MYRF: variants seen among roughly 807,000 people sequenced by gnomAD.
MYRF encodes the protein myelin regulatory factor.
A neutral mutation model predicts 126.3 loss-of-function variants in MYRF; 16 were observed. That is an observed-to-expected ratio of 0.13 (90% CI 0.09 to 0.19). MYRF has a LOEUF of 0.19. Ranked by LOEUF, MYRF falls within the 10% of genes least tolerant of loss-of-function variation. The probability of loss-of-function intolerance (pLI) is 1.00; values close to 1 mark genes in which losing one functional copy is unlikely to be tolerated. For missense variants in MYRF, 1,104 were observed against 1,547.0 expected, an observed-to-expected ratio of 0.71 and a Z score of 4.80; for synonymous variants, 608 against 635.3, an observed-to-expected ratio of 0.96 and a Z score of 0.65.
At position 61,773,950 on chromosome 11, in the gene MYRF, C is replaced by T; in HGVS notation, c.1116-17C>T. On this transcript the variant is annotated splice_polypyrimidine_tract_variant and intron_variant, in intron 7 of 26. Coordinates refer to ENST00000278836, the MANE Select transcript of MYRF (RefSeq NM_001127392.3). ...GGCTCTGGGGCCTCAGGGGAGTGCC[C>T]TCACCCGCCCCCCCAGGCCCATGCT... The T allele has an allele frequency of 6.3e-7, 1 of 1,595,892 alleles. No homozygotes were observed. The highest frequency in any genetic ancestry group is 8.5e-7 in the Non-Finnish European group (1 of 1,170,762).
intron 3 of MYRF, chr11:61,767,252 C>A (rs1322081407): frequency 2.2e-6 from 1 of 456,746 alleles, no homozygotes; most frequent in East Asian, 6.9e-5. Context: ...AAACTACAGG[C>A]CCCTGGGGGC....
At position 61,776,265 on chromosome 11, in the gene MYRF, G is replaced by T. The variant is rs1056257222; in HGVS notation, c.1389-57G>T. The T allele has an allele frequency of 1.7e-5, 26 of 1,572,420 alleles. No individual in the cohort carries two copies. The highest frequency in any genetic ancestry group is 2.3e-5 in the Non-Finnish European group (26 of 1,149,998). ...TTGCTGGCCTGGGTGCCCCTCAGTGGCGTGGCTCTTGCAGCCTCCCTCCCT... is the reference window on the plus strand; with the variant it reads ...TTGCTGGCCTGGGTGCCCCTCAGTGTCGTGGCTCTTGCAGCCTCCCTCCCT... On this transcript the variant is annotated intron_variant, in intron 9 of 26. Transcript: ENST00000278836. The surrounding 1 kb of genome is among the most constrained non-coding windows in gnomAD (Gnocchi z 4.3).
chr11:61,759,092 G>A (rs1192276282), intron 1 of MYRF, among the ~76,000 whole-genome samples: 1 of 152,226 alleles, frequency 6.6e-6, no homozygotes, highest in Non-Finnish European at 1.5e-5. Flanking sequence ...ACGCCGGTGT[G>A]TAGGCACAGA....
chr11:61,783,370 G>A lies in MYRF; in HGVS notation c.3017-128G>A. ...GTAGTGTGATGCTGGCCATTGTGGA[G>A]GTCTGGAAAAAAATAACCTGGAACT... On this transcript the variant is annotated intron_variant, in intron 22 of 26. Transcript: ENST00000278836. This position sits in a 1 kb window ranked among gnomAD's most constrained non-coding sequence, Gnocchi z 4.6. 4 of 729,996 alleles carry A rather than the reference G, an allele frequency of 5.5e-6. No homozygotes were observed. The South Asian group carries it at 6.3e-5, about 11-fold the overall frequency. The allele number at this position is 729,996 out of a possible 1,614,324, so 45.2% of individuals were successfully genotyped here. A position where few individuals can be genotyped will look rare whatever the true frequency, so the allele number is the denominator to read the frequency against.
intron 5 of MYRF, 69 bp from the exon 6 acceptor site, chr11:61,771,431 G>C: frequency 6.4e-7 from 1 of 1,554,004 alleles, no homozygotes; most frequent in Non-Finnish European, 8.7e-7. Flanking sequence ...GGGGAGAGAG[G>C]TGGATACTAC....
chr11:61,756,242 G>C (rs1476518267), intron 1 of MYRF, among the ~76,000 whole-genome samples: 1 of 152,088 alleles, frequency 6.6e-6, no homozygotes, highest in Admixed American at 6.5e-5. Context: ...AAGGGAGTTG[G>C]CCAGAGTTAG....
Position 61,766,165 on chromosome 11 carries a change from C to T in MYRF, c.342C>T (p.Phe114=). Residue 114 remains phenylalanine, a synonymous_variant, in exon 3 of 27, where the codon TTC becomes TTT. Coordinates refer to ENST00000278836, the MANE Select transcript of MYRF (RefSeq NM_001127392.3). ...GCATGGGCGCTGCCCCCAAGCCCTT[C>T]CCGGGGGGCACCGGGCCCCCCATCA... ...NNGMGAAPKP[F]PGGTGPPIKA... 6.2e-7 allele frequency: 1 copy of T among 1,611,942 alleles called. No individual in the cohort carries two copies. Among genetic ancestry groups the T allele is most frequent in the South Asian group, 1.1e-5 (1 of 91,078 alleles).
At position 61,786,506 on chromosome 11, in the gene MYRF, T is replaced by C. The variant is rs1171241045; in HGVS notation, c.*363T>C. On this transcript the variant is annotated 3_prime_UTR_variant, in exon 27 of 27. Coordinates refer to ENST00000278836, the MANE Select transcript of MYRF (RefSeq NM_001127392.3). The surrounding 1 kb of genome is among the most constrained non-coding windows in gnomAD (Gnocchi z 4.5). The stretch of plus-strand genomic sequence containing the variant: ...GATTTGTTCAGAGCCCATTCTCCCT[T>C]GCCTCCCCTTTTGAGACTGGAGCCA... 2.9e-5 allele frequency: 8 copies of C among 272,350 alleles called. No individual in the cohort carries two copies. Among genetic ancestry groups the C allele is most frequent in the Non-Finnish European group, 4.3e-5 (6 of 140,400 alleles). 16.9% of individuals were successfully genotyped at this position (272,350 alleles called of 1,614,324 possible). A position where few individuals can be genotyped will look rare whatever the true frequency, so the allele number is the denominator to read the frequency against.
chr11:61,777,170 G>T lies in MYRF; in HGVS notation c.1591-94G>T. 7.6e-7 allele frequency: 1 copy of T among 1,323,462 alleles called. No individual in the cohort carries two copies. The highest frequency in any genetic ancestry group is 1.3e-5 in the South Asian group (1 of 77,992). 82.0% of individuals were successfully genotyped at this position (1,323,462 alleles called of 1,614,324 possible). Reference sequence around the variant, plus strand: ...GTGCAGTGAGAAACCCTGGCTGGAAGGGGAGGGGCTGCTGTGGAGTTTCCC... The same window carrying T: ...GTGCAGTGAGAAACCCTGGCTGGAATGGGAGGGGCTGCTGTGGAGTTTCCC... On this transcript the variant is annotated intron_variant, in intron 11 of 26. Coordinates refer to ENST00000278836, the MANE Select transcript of MYRF (RefSeq NM_001127392.3). The surrounding 1 kb of genome is among the most constrained non-coding windows in gnomAD (Gnocchi z 8.8).
chr11:61,781,358 G>A (rs772775950), intron 21 of MYRF, 29 bp downstream of exon 21: 2 of 1,610,118 alleles, frequency 1.2e-6, no homozygotes, highest in Non-Finnish European at 1.7e-6. Flanking sequence ...TGGGGCTTGG[G>A]GCGGGGGCTA....
At chr11:61,779,134 T>C in intron 14 of MYRF, 129 bp from the exon 15 acceptor site, 3 of 1,033,424 alleles carry the variant, frequency 2.9e-6, no homozygotes, top group Non-Finnish European at 4.1e-6. Flanking sequence ...AGGGAGACTT[T>C]GAGGGCCTCC....
chr11:61,767,566 C>A, intron 3 of MYRF: 1 of 382,520 alleles, frequency 2.6e-6, no homozygotes, highest in South Asian at 1.9e-5. Flanking sequence ...TGGCACACAC[C>A]TGTAATCCCA....
chr11:61,779,292 C>T lies in MYRF; in HGVS notation c.2043C>T (p.Ala681=), dbSNP rs377055898. 1,362 of 1,547,548 alleles carry T rather than the reference C, an allele frequency of 8.8e-4. 4 individuals carry two copies. Among genetic ancestry groups the T allele is most frequent in the South Asian group, 8.1e-4 (68 of 84,056 alleles). The stretch of plus-strand genomic sequence containing the variant: ...GCATCTTCATGGAGAACGTAGGGGC[C>T]GTGAAGGAGCTGTGCAAGCTGACAG... ...KERIFMENVG[A]VKELCKLTDN... Residue 681 remains alanine (A), a synonymous_variant, in exon 15 of 27, where the codon GCC becomes GCT. Coordinates refer to ENST00000278836, the MANE Select transcript of MYRF (RefSeq NM_001127392.3).
chr11:61,772,284 G>A (rs2066246772), intron 7 of MYRF, among the ~76,000 whole-genome samples: 1 of 152,166 alleles, frequency 6.6e-6, no homozygotes, highest in African/African-American at 2.4e-5. Context: ...AGCCCAAGCT[G>A]GGCCCTCCCG....
At chr11:61,762,189 G>T (rs554217043) in intron 1 of MYRF, among the ~76,000 whole-genome samples, 2 of 152,302 alleles carry the variant, frequency 1.3e-5, no homozygotes, top group Admixed American at 1.3e-4. Context: ...GGCAAGGGCT[G>T]ACCACGGAGA....
rs548654041 is a variant in MYRF at position 61,765,946 on chromosome 11, C to T, written c.135-12C>T. ...GTCCTGGCTGGAGCTGAGCCGCCCC[C>T]CTTCCCCGCAGCTGCTTCCCTGACA... On this transcript the variant is annotated splice_polypyrimidine_tract_variant and intron_variant, in intron 2 of 26. Coordinates refer to ENST00000278836, the MANE Select transcript of MYRF (RefSeq NM_001127392.3). The T allele has an allele frequency of 3.4e-6, 5 of 1,490,646 alleles. No homozygotes were observed. The highest frequency in any genetic ancestry group is 4.5e-6 in the Non-Finnish European group (5 of 1,122,466). 92.3% of individuals were successfully genotyped at this position (1,490,646 alleles called of 1,614,324 possible). A position where few individuals can be genotyped will look rare whatever the true frequency, so the allele number is the denominator to read the frequency against.
At chr11:61,762,220 G>T (rs1174633911) in intron 1 of MYRF, among the ~76,000 whole-genome samples, 1 of 152,114 alleles carries the variant, frequency 6.6e-6, no homozygotes, top group Non-Finnish European at 1.5e-5. Context: ...CAGGGGACCT[G>T]GGGAAGGAGA....
intron 4 of MYRF, among the ~76,000 whole-genome samples, chr11:61,769,806 G>T (rs886341698): frequency 3.3e-5 from 5 of 152,094 alleles, no homozygotes; most frequent in South Asian, 2.1e-4. Flanking sequence ...GGGAGCTGGG[G>T]CCTCCCCGCT....
At chr11:61,767,286 G>T (rs1325185499) in intron 3 of MYRF, 1 of 456,704 alleles carries the variant, frequency 2.2e-6, no homozygotes, top group Admixed American at 2.3e-5. Context: ...CTAACATTTG[G>T]TAAGCGCCTG....
Sources: allele counts gnomAD v4.1 joint callset (sites outside exome capture counted in the v4.1 genomes callset), GRCh38; gene constraint gnomAD v4.1.1; non-coding constraint Gnocchi (gnomAD v3.1); transcripts MANE v1.5; gene names NCBI Gene and HGNC (gene_info 2026-07-23, HGNC 2026-07-21).